SLC24A2: variants seen among roughly 807,000 people sequenced by gnomAD.
SLC24A2 encodes solute carrier family 24 member 2.
A neutral mutation model predicts 62.0 loss-of-function variants in SLC24A2; 36 were observed. The ratio of observed to expected loss-of-function variants is 0.58; its 90% CI spans 0.44 to 0.77. The LOEUF is 0.77. Ranked by LOEUF, SLC24A2 falls within the 30% of genes least tolerant of loss-of-function variation. The pLI is 0.00. For missense variants in SLC24A2, 846 were observed against 817.9 expected (o/e 1.03, Z -0.42); for synonymous variants, 358 against 294.0 (o/e 1.22, Z -2.23).
the SLC24A2 span, among the ~76,000 whole-genome samples, chr9:20,064,645 G>C: frequency 2.6e-5 from 4 of 152,302 alleles, no homozygotes; most frequent in Non-Finnish European, 5.9e-5. Context: ...AATGTAAACA[G>C]GATCACAACT....
the SLC24A2 span, among the ~76,000 whole-genome samples, chr9:20,112,945 C>T: frequency 2.8e-4 from 43 of 151,238 alleles, no homozygotes; most frequent in Non-Finnish European, 3.8e-4. Flanking sequence ...GAGAGACACA[C>T]GGTTAGGGCT....
chr9:19,704,137 C>T (rs1295548971), intron 2 of SLC24A2, among the ~76,000 whole-genome samples: 1 of 146,006 alleles, frequency 6.8e-6, no homozygotes, highest in Non-Finnish European at 1.5e-5. Context: ...TTCACCTATA[C>T]CTGGAACTTG....
At chr9:20,162,672 A>G in the SLC24A2 span, among the ~76,000 whole-genome samples, 1 of 152,068 alleles carries the variant, frequency 6.6e-6, no homozygotes, top group Non-Finnish European at 1.5e-5. Flanking sequence ...GCAGAGACAC[A>G]ACCAAAAAAG....
rs146570407 is a variant in SLC24A2 at position 19,528,159 on chromosome 9, G to A, written c.1480-21C>T. 1.3e-5 allele frequency: 19 copies of A among 1,481,752 alleles called. No individual in the cohort carries two copies. In the East Asian group the frequency reaches 4.5e-4, roughly 35 times the overall value. 91.8% of individuals were successfully genotyped at this position (1,481,752 alleles called of 1,614,324 possible). ...GATGACTGAAAGACAACCAGGAAGA[G>A]TTGAGAATATCAGTGTTATCCATTG... On this transcript the variant is annotated intron_variant, in intron 8 of 10. Coordinates refer to ENST00000341998, the MANE Select transcript of SLC24A2 (RefSeq NM_020344.4).
intron 10 of SLC24A2, among the ~76,000 whole-genome samples, chr9:19,517,404 C>G (rs1475758087): frequency 1.3e-5 from 2 of 152,156 alleles, no homozygotes; most frequent in Non-Finnish European, 2.9e-5. Context: ...AGGAGGTACT[C>G]TTTTGAAACA....
the SLC24A2 span, among the ~76,000 whole-genome samples, chr9:19,828,193 T>C: frequency 6.6e-6 from 1 of 152,292 alleles, no homozygotes; most frequent in Non-Finnish European, 1.5e-5. Context: ...TGAAATCTAG[T>C]ATTGAATAAG....
chr9:20,152,287 G>T, the SLC24A2 span, among the ~76,000 whole-genome samples: 1 of 152,000 alleles, frequency 6.6e-6, no homozygotes, highest in Admixed American at 6.6e-5. Flanking sequence ...TTTGGGGATT[G>T]ATTTAAGAAC....
intron 2 of SLC24A2, among the ~76,000 whole-genome samples, chr9:19,700,932 C>T (rs1017332693): frequency 1.3e-5 from 2 of 152,150 alleles, no homozygotes; most frequent in Non-Finnish European, 2.9e-5. Flanking sequence ...TCCAAAGGTT[C>T]GTATGCCAAG....
At chr9:19,930,504 T>G in the SLC24A2 span, among the ~76,000 whole-genome samples, 2 of 152,172 alleles carry the variant, frequency 1.3e-5, no homozygotes, top group Non-Finnish European at 2.9e-5. Flanking sequence ...TCAGATTGTG[T>G]CCCCATCATG....
chr9:19,762,813 G>A (rs1822381451), intron 2 of SLC24A2, among the ~76,000 whole-genome samples: 1 of 85,182 alleles, frequency 1.2e-5, no homozygotes, highest in African/African-American at 4.5e-5. Flanking sequence ...TTTTTTTTTG[G>A]TTCCATATGA....
chr9:19,824,238 C>T, the SLC24A2 span, among the ~76,000 whole-genome samples: 29 of 152,272 alleles, frequency 1.9e-4, no homozygotes, highest in African/African-American at 5.1e-4. Flanking sequence ...GAACAGGCAA[C>T]CTACAGAATG....
chr9:19,739,173 T>C (rs2053772849), intron 2 of SLC24A2, among the ~76,000 whole-genome samples: 1 of 152,174 alleles, frequency 6.6e-6, no homozygotes, highest in African/African-American at 2.4e-5. Context: ...GCATGACTGC[T>C]ACAAAAAACT....
At chr9:20,229,229 C>G in the SLC24A2 span, among the ~76,000 whole-genome samples, 1 of 152,130 alleles carries the variant, frequency 6.6e-6, no homozygotes, top group African/African-American at 2.4e-5. Context: ...GTTATGGAGT[C>G]TGATGCCCAA....
chr9:19,674,427 G>C (rs187743634), intron 2 of SLC24A2, among the ~76,000 whole-genome samples: 44 of 152,194 alleles, frequency 2.9e-4, no homozygotes, highest in African/African-American at 9.9e-4. Flanking sequence ...GCAAGGCCGG[G>C]GAAGTTTTCC....
intron 4 of SLC24A2, among the ~76,000 whole-genome samples, chr9:19,606,189 T>C (rs949984196): frequency 1.3e-5 from 2 of 152,112 alleles, no homozygotes; most frequent in African/African-American, 2.4e-5. Context: ...GCATCACCTA[T>C]GGAAATGTGT....
chr9:19,847,664 GAT>G, the SLC24A2 span, among the ~76,000 whole-genome samples: 3 of 152,168 alleles, frequency 2.0e-5, no homozygotes, highest in Non-Finnish European at 2.9e-5. Context: ...ACGCAAGCAT[GAT>G]ATATATTTTG....
the SLC24A2 span, among the ~76,000 whole-genome samples, chr9:20,220,348 G>T: frequency 6.6e-6 from 1 of 152,084 alleles, no homozygotes; most frequent in African/African-American, 2.4e-5. Context: ...TCACCACCTC[G>T]GATGCACCCC....
chr9:19,619,902 T>C (rs538309702), intron 3 of SLC24A2, among the ~76,000 whole-genome samples: 1 of 152,298 alleles, frequency 6.6e-6, no homozygotes, highest in South Asian at 2.1e-4. Context: ...CTTCCCTTTT[T>C]AAAAAGAGCT....
intron 10 of SLC24A2, among the ~76,000 whole-genome samples, chr9:19,518,622 A>G (rs1223384166): frequency 6.6e-6 from 1 of 152,038 alleles, no homozygotes; most frequent in Admixed American, 6.6e-5. Flanking sequence ...GGTTTGCACC[A>G]TCTGGGCCAG....
Sources: allele counts gnomAD v4.1 joint callset (sites outside exome capture counted in the v4.1 genomes callset), GRCh38; gene constraint gnomAD v4.1.1; transcripts MANE v1.5; gene names NCBI Gene and HGNC (gene_info 2026-07-23, HGNC 2026-07-21).